CCDC188: variants seen among roughly 807,000 people sequenced by gnomAD.
CCDC188 encodes the protein coiled-coil domain-containing protein 188.
In CCDC188, 37 loss-of-function variants were observed where a neutral mutation model predicts 50.7. The observed-to-expected ratio is 0.73, with a 90% CI of 0.56 to 0.96. The LOEUF (loss-of-function observed/expected upper bound fraction) is 0.96, where lower values mean the gene tolerates loss of function less well. Ranked by LOEUF, CCDC188 falls within the 40% of genes least tolerant of loss-of-function variation. CCDC188 has a pLI of 0.00. For synonymous variants in CCDC188, 208 were observed against 228.0 expected (o/e 0.91, Z 0.79); for missense variants, 453 against 512.9 (o/e 0.88, Z 1.13).
At chr22:20,149,019 C>A in intron 7 of CCDC188, 95 bp from the exon 8 acceptor site, 1 of 1,347,740 alleles carries the variant, frequency 7.4e-7, no homozygotes, top group Non-Finnish European at 9.9e-7. Flanking sequence ...ACAGGGCTCC[C>A]CGCACCGCAG....
Position 20,150,723 on chromosome 22 carries a change from GTC to G in CCDC188, c.262_263del (p.Asp88HisfsTer2). ...FLSSQEQRAR[D>X]TEGPRQGDLE... is the part of the protein sequence containing the mutation. ...GGTCTCCTTGTCTCGGCCCCTCAGT[GTC>G]TCTCGCTCTCTGCTCCTGGCTGGAC... On this transcript the variant is annotated frameshift_variant, in exon 1 of 9. Transcript: ENST00000439765. LOFTEE classifies it high-confidence loss of function. 6.5e-7 allele frequency: 1 copy of G among 1,550,212 alleles called. No homozygotes were observed.
intron 6 of CCDC188, 21 bp downstream of exon 6, chr22:20,149,391 C>A: frequency 6.5e-7 from 1 of 1,550,198 alleles, no homozygotes; most frequent in Non-Finnish European, 8.7e-7. Context: ...TCAGCTGGCC[C>A]GGCCCCTGCC....
intron 6 of CCDC188, 32 bp from the exon 7 acceptor site, chr22:20,149,276 C>T: frequency 1.3e-6 from 2 of 1,525,168 alleles, no homozygotes; most frequent in East Asian, 2.5e-5. Flanking sequence ...GACCCCACAC[C>T]CTCCACCCCC....
At position 20,148,532 on chromosome 22, in the gene CCDC188, T is replaced by G. The variant is rs1293593940; in HGVS notation, c.*82A>C. 6.2e-6 allele frequency: 9 copies of G among 1,449,026 alleles called. No individual in the cohort carries two copies. Among genetic ancestry groups the G allele is most frequent in the African/African-American group, 2.9e-5 (2 of 68,824 alleles). 89.8% of individuals were successfully genotyped at this position (1,449,026 alleles called of 1,614,324 possible). On this transcript the variant is annotated 3_prime_UTR_variant, in exon 9 of 9. Transcript: ENST00000439765. ...AAGGATGGTGCACAGTGGTGCCATG[T>G]GCAGGGGGCTGGCACGGCCACTGGG...
Position 20,150,191 on chromosome 22 carries a change from C to A in CCDC188, c.579G>T (p.Gln193His). The part of the protein sequence containing the change: ...QLGALLGPGQ[Q>H]FLPLCPEHSS... ...AGTGTTCGGGACACAGGGGCAGGAACTGCTGCCCCGGCCCCAGGAGGGCCC... is the reference window on the plus strand; with the variant it reads ...AGTGTTCGGGACACAGGGGCAGGAAATGCTGCCCCGGCCCCAGGAGGGCCC... Residue 193 changes from glutamine (Q) to histidine (H), a missense_variant, in exon 2 of 9, where the codon CAG becomes CAT. Transcript: ENST00000439765. 1 of 1,548,708 alleles carries A rather than the reference C, an allele frequency of 6.5e-7. No individual in the cohort carries two copies. The highest frequency in any genetic ancestry group is 8.7e-7 in the Non-Finnish European group (1 of 1,146,050).
rs1270194500 is a variant in CCDC188, at chr22:20,149,796, AG to A, written c.733-17del. 5.3e-6 allele frequency: 8 copies of A among 1,503,264 alleles called. 1 individual carries two copies. The Admixed American group carries it at 8.5e-5, about 16-fold the overall frequency. The allele number at this position is 1,503,264 out of a possible 1,614,324, so 93.1% of individuals were successfully genotyped here. On this transcript the variant is annotated splice_polypyrimidine_tract_variant and intron_variant, in intron 3 of 8. Coordinates refer to ENST00000439765, the MANE Select transcript of CCDC188 (RefSeq NM_001365892.2). Reference sequence around the variant, plus strand: ...GCAGCTCGTTCTGAGGGTGGGGCCCAGGATGGGCTTGGGCAGCATCAGCAGG... The same window carrying A: ...GCAGCTCGTTCTGAGGGTGGGGCCCAGATGGGCTTGGGCAGCATCAGCAGG...
chr22:20,149,514 C>T (rs1211429831), intron 5 of CCDC188, 38 bp from the exon 6 acceptor site: 8 of 1,549,906 alleles, frequency 5.2e-6, no homozygotes, highest in Non-Finnish European at 6.1e-6. Context: ...AGGCCCCTCG[C>T]CCCGCCCTCC....
Position 20,150,980 on chromosome 22 carries a change from C to T in CCDC188, c.7G>A (p.Gly3Arg). The T allele has an allele frequency of 2.9e-6, 4 of 1,397,878 alleles. No homozygotes were observed. Among genetic ancestry groups the T allele is most frequent in the Non-Finnish European group, 3.7e-6 (4 of 1,070,798 alleles). 86.6% of individuals were successfully genotyped at this position (1,397,878 alleles called of 1,614,324 possible). A position where few individuals can be genotyped will look rare whatever the true frequency, so the allele number is the denominator to read the frequency against. ...CCGCAGGGGCCCAGGGTTTTCAGCC[C>T]CTCCATCCCTCCCTGCAACCCCTTC... Reference protein sequence around the residue: MEGLKTLGPCGHP... With the variant: MERLKTLGPCGHP... Residue 3 changes from glycine (G) to arginine (R), a missense_variant, in exon 1 of 9, where the codon GGG becomes AGG. Physicochemically the swap from Gly to Arg is moderately radical, Grantham distance 125. Transcript: ENST00000439765.
At position 20,150,833 on chromosome 22, in the gene CCDC188, C is replaced by A. The variant is rs944765633; in HGVS notation, c.154G>T (p.Val52Leu). The change falls in exon 1 of 9, where the codon GTG becomes TTG. Residue 52 changes from valine to leucine, a missense_variant. By Grantham distance (32) the Val-to-Leu change is conservative. Coordinates refer to ENST00000439765, the MANE Select transcript of CCDC188 (RefSeq NM_001365892.2). Reference protein sequence around the residue: ...CLGPISSAHSVQSQRPFPVPG... With the variant: ...CLGPISSAHSLQSQRPFPVPG... ...ACTGGGAAAGGTCTCTGGGACTGCA[C>A]TGAGTGAGCAGAGGAGATGGGGCCC... is the stretch of plus-strand genomic sequence containing the variant. 1 of 1,540,030 alleles carries A rather than the reference C, an allele frequency of 6.5e-7. No homozygotes were observed. Among genetic ancestry groups the A allele is most frequent in the Non-Finnish European group, 8.8e-7 (1 of 1,139,686 alleles).
Position 20,149,221 on chromosome 22 carries a change from C to T in CCDC188, c.938G>A (p.Arg313Gln), listed in dbSNP as rs564809212. 50 of 1,474,186 alleles carry T rather than the reference C, an allele frequency of 3.4e-5. No individual in the cohort carries two copies. The East Asian group carries it at 8.2e-4, about 24-fold the overall frequency. The allele number at this position is 1,474,186 out of a possible 1,614,324, so 91.3% of individuals were successfully genotyped here. ...TGCCATCTGCTTCTCCTTCCTGGCT[C>T]GAGTGCGGCACTGGGCCCGCTCCCT... ...ILRERAQCRT[R>Q]ARKEKQMASM... Residue 313 changes from arginine (R) to glutamine (Q), a missense_variant, in exon 7 of 9, where the codon CGA (arginine) becomes CAA (glutamine). Coordinates refer to ENST00000439765, the MANE Select transcript of CCDC188 (RefSeq NM_001365892.2).
Position 20,150,450 on chromosome 22 carries a change from G to A in CCDC188, c.519+18C>T, listed in dbSNP as rs1295501020. On this transcript the variant is annotated intron_variant, in intron 1 of 8. Transcript: ENST00000439765. ...GTGGGGCTGGGGCTGGGGCTGGGGC[G>A]GTGGGTGGGGTGCTCACCAGGCTGT... is the stretch of plus-strand genomic sequence containing the variant. 28 of 1,281,846 alleles carry A rather than the reference G, an allele frequency of 2.2e-5. No homozygotes were observed. The South Asian group carries it at 2.8e-4, about 13-fold the overall frequency. The allele number at this position is 1,281,846 out of a possible 1,614,324, so 79.4% of individuals were successfully genotyped here. A position where few individuals can be genotyped will look rare whatever the true frequency, so the allele number is the denominator to read the frequency against.
intron 1 of CCDC188, 48 bp downstream of exon 1, chr22:20,150,420 G>A (rs1289357011): frequency 5.0e-6 from 6 of 1,200,948 alleles, no homozygotes; most frequent in South Asian, 3.0e-5. Context: ...GGTACCAGGC[G>A]GTGGGTGGGG....
Position 20,148,708 on chromosome 22 carries a change from A to T in CCDC188, c.1115T>A (p.Val372Glu), listed in dbSNP as rs1253505340. The T allele has an allele frequency of 8.4e-6, 13 of 1,538,540 alleles. No individual in the cohort carries two copies. The highest frequency in any genetic ancestry group is 1.1e-5 in the Non-Finnish European group (13 of 1,141,544). ...VVNPTPFEGLVPPLLSRATVW... is the reference protein window; with the variant it reads ...VVNPTPFEGLEPPLLSRATVW... ...GGTGGCACGGCTCAGCAGGGGTGGC[A>T]CCAGCCCCTCGAAAGGTGTGGGGTT... is the stretch of plus-strand genomic sequence containing the variant. The change falls in exon 9 of 9, where the codon GTG (valine) becomes GAG (glutamate). Residue 372 changes from valine to glutamate, a missense_variant. By Grantham distance (121) the Val-to-Glu change is moderately radical. Coordinates refer to ENST00000439765, the MANE Select transcript of CCDC188 (RefSeq NM_001365892.2).
chr22:20,150,200 C>T lies in CCDC188; in HGVS notation c.570G>A (p.Pro190=), dbSNP rs139050179. Residue 190 remains proline, a synonymous_variant, in exon 2 of 9, where the codon CCG becomes CCA. Transcript: ENST00000439765. ...GACACAGGGGCAGGAACTGCTGCCC[C>T]GGCCCCAGGAGGGCCCCCAGCTGCT... ...LREQLGALLG[P]GQQFLPLCPE... is the part of the protein sequence containing the mutation. The T allele has an allele frequency of 0.16, 254,482 of 1,547,578 alleles. 26,463 individuals carry two copies. The highest frequency in any genetic ancestry group is 0.48 in the East Asian group (19,463 of 40,750).
intron 1 of CCDC188, 95 bp from the exon 2 acceptor site, chr22:20,150,345 C>G: frequency 1.2e-6 from 1 of 825,280 alleles, no homozygotes; most frequent in South Asian, 1.7e-5. Flanking sequence ...GTGGGTGGGG[C>G]TGGGGCTGGG....
At chr22:20,149,328 G>A in intron 6 of CCDC188, 84 bp from the exon 7 acceptor site, 1 of 1,545,478 alleles carries the variant, frequency 6.5e-7, no homozygotes, top group Non-Finnish European at 8.7e-7. Flanking sequence ...TGGAGGTGGG[G>A]GGTCAAGGAT....
intron 7 of CCDC188, 120 bp from the exon 8 acceptor site, chr22:20,149,044 T>A: frequency 1.5e-6 from 2 of 1,295,908 alleles, no homozygotes. Context: ...GGCCCCTTCC[T>A]CCTGGACAGG....
intron 8 of CCDC188, 31 bp from the exon 9 acceptor site, chr22:20,148,831 G>C (rs537211363): frequency 6.8e-7 from 1 of 1,460,910 alleles, no homozygotes; most frequent in Non-Finnish European, 9.1e-7. Context: ...GGGCAGGGGC[G>C]CGCGGGGGGC....
At position 20,150,647 on chromosome 22, in the gene CCDC188, C is replaced by T; in HGVS notation, c.340G>A (p.Gly114Arg). ...GWPLHPGSNQ[G>R]APRQGGSIGS... The stretch of plus-strand genomic sequence containing the variant: ...ATGGATCCCCCCTGCCTGGGAGCCC[C>T]CTGGTTCGACCCTGGGTGCAGGGGC... The change falls in exon 1 of 9, where the codon GGG becomes AGG. Residue 114 changes from glycine to arginine, a missense_variant. Transcript: ENST00000439765. 2 of 1,545,220 alleles carry T rather than the reference C, an allele frequency of 1.3e-6. No individual in the cohort carries two copies. Among genetic ancestry groups the T allele is most frequent in the Non-Finnish European group, 1.7e-6 (2 of 1,143,188 alleles).
Sources: allele counts gnomAD v4.1 joint callset, GRCh38; gene constraint gnomAD v4.1.1; transcripts MANE v1.5; gene names NCBI Gene and HGNC (gene_info 2026-07-23, HGNC 2026-07-21).